The following ME3 variants were observed in gnomAD, a reference collection of about 807,000 sequenced individuals.
The protein encoded by ME3 is NADP-dependent malic enzyme, mitochondrial.
Under a neutral mutation model 68.9 loss-of-function variants are expected in ME3, and 48 were observed. The observed-to-expected ratio is 0.70, with a 90% CI of 0.55 to 0.89. The LOEUF (loss-of-function observed/expected upper bound fraction) is 0.89, where lower values mean the gene tolerates loss of function less well. ME3 is among the 40% of genes least tolerant of loss of function. The pLI is 0.00. For synonymous variants in ME3, 320 were observed against 318.8 expected, an observed-to-expected ratio of 1.00 and a Z score of -0.04; for missense variants, 675 against 797.4, an observed-to-expected ratio of 0.85 and a Z score of 1.85.
At chr11:86,472,203 C>T (rs1322522512) in intron 7 of ME3, among the ~76,000 whole-genome samples, 1 of 152,092 alleles carries the variant, frequency 6.6e-6, no homozygotes, top group African/African-American at 2.4e-5. Flanking sequence ...TACACAGGGC[C>T]GGATCTTGCC....
intron 4 of ME3, among the ~76,000 whole-genome samples, chr11:86,540,147 A>AAC (rs1314075690): frequency 6.6e-6 from 1 of 152,220 alleles, no homozygotes; most frequent in Non-Finnish European, 1.5e-5. Context: ...CATCCTGTGG[A>AAC]ACACAGGCCA....
At chr11:86,510,707 A>G (rs1011503206) in intron 4 of ME3, among the ~76,000 whole-genome samples, 7 of 152,182 alleles carry the variant, frequency 4.6e-5, no homozygotes, top group African/African-American at 1.2e-4. Flanking sequence ...ACAACCAAGA[A>G]TATCTCCAGA....
chr11:86,463,301 C>T (rs1321088829), intron 8 of ME3, among the ~76,000 whole-genome samples: 1 of 152,196 alleles, frequency 6.6e-6, no homozygotes, highest in African/African-American at 2.4e-5. Context: ...CCGGTGGGCT[C>T]AGGGGACTGG....
intron 2 of ME3, among the ~76,000 whole-genome samples, chr11:86,646,074 G>A (rs1944992329): frequency 6.6e-6 from 1 of 152,188 alleles, no homozygotes; most frequent in Non-Finnish European, 1.5e-5. Context: ...ACCAAAGGTA[G>A]ACAAATCCAC....
At chr11:86,629,526 C>T (rs558631886) in intron 2 of ME3, among the ~76,000 whole-genome samples, 1 of 152,304 alleles carries the variant, frequency 6.6e-6, no homozygotes, top group Non-Finnish European at 1.5e-5. Flanking sequence ...TTACAACTCC[C>T]TTCATCACTT....
chr11:86,654,805 T>C (rs1400577348), intron 2 of ME3, among the ~76,000 whole-genome samples: 1 of 152,196 alleles, frequency 6.6e-6, no homozygotes, highest in Non-Finnish European at 1.5e-5. Context: ...GGAAGTCAAA[T>C]TGTCCCTGTT....
intron 4 of ME3, among the ~76,000 whole-genome samples, chr11:86,522,211 T>A (rs930273049): frequency 6.6e-6 from 1 of 151,564 alleles, no homozygotes; most frequent in Non-Finnish European, 1.5e-5. Context: ...GACTGCGTCA[T>A]TGCACTCCAG....
intron 2 of ME3, among the ~76,000 whole-genome samples, chr11:86,618,759 C>G (rs1017334220): frequency 6.6e-6 from 1 of 151,508 alleles, no homozygotes; most frequent in Non-Finnish European, 1.5e-5. Context: ...ACTCTGTCAC[C>G]CAGGCTGGAG....
chr11:86,582,719 A>G (rs565776184), intron 2 of ME3, among the ~76,000 whole-genome samples: 2 of 152,268 alleles, frequency 1.3e-5, no homozygotes, highest in African/African-American at 2.4e-5. Flanking sequence ...CTAAAGCACA[A>G]TGATAGCACT....
chr11:86,635,440 G>A (rs956606756), intron 2 of ME3, among the ~76,000 whole-genome samples: 2 of 152,202 alleles, frequency 1.3e-5, no homozygotes, highest in Non-Finnish European at 2.9e-5. Context: ...ACAGTCTATG[G>A]TATTTTGTTA....
intron 2 of ME3, among the ~76,000 whole-genome samples, chr11:86,566,766 T>G (rs1957501727): frequency 6.6e-6 from 1 of 152,116 alleles, no homozygotes; most frequent in Non-Finnish European, 1.5e-5. Flanking sequence ...ATATTTGGTG[T>G]GATAATTTTT....
chr11:86,520,469 A>C (rs959504598), intron 4 of ME3, among the ~76,000 whole-genome samples: 3 of 152,146 alleles, frequency 2.0e-5, no homozygotes, highest in Non-Finnish European at 4.4e-5. Context: ...AACCCCAAAA[A>C]ACCTTGCAAT....
At chr11:86,566,542 T>C (rs538875512) in intron 2 of ME3, among the ~76,000 whole-genome samples, 2 of 152,324 alleles carry the variant, frequency 1.3e-5, no homozygotes, top group South Asian at 2.1e-4. Flanking sequence ...CTTAGAGGTA[T>C]TGCTATCATC....
chr11:86,625,956 CT>C (rs2135292527), intron 2 of ME3, among the ~76,000 whole-genome samples: 1 of 152,202 alleles, frequency 6.6e-6, no homozygotes, highest in African/African-American at 2.4e-5. Context: ...ATCTTGAAAA[CT>C]GCTTAGAATT....
At chr11:86,625,852 TA>T in intron 2 of ME3, among the ~76,000 whole-genome samples, 1 of 152,282 alleles carries the variant, frequency 6.6e-6, no homozygotes, top group East Asian at 1.9e-4. Context: ...TAACTTTGAG[TA>T]AGTAGGTATT....
intron 2 of ME3, among the ~76,000 whole-genome samples, chr11:86,653,810 G>GT (rs1424307254): frequency 6.6e-6 from 1 of 152,086 alleles, no homozygotes; most frequent in East Asian, 1.9e-4. Context: ...TCCAGGAGCT[G>GT]TTTTTTTGAA....
intron 2 of ME3, among the ~76,000 whole-genome samples, chr11:86,641,586 G>T (rs1944678149): frequency 6.6e-6 from 1 of 152,170 alleles, no homozygotes; most frequent in African/African-American, 2.4e-5. Context: ...AACCACTATA[G>T]TTATACTACA....
intron 2 of ME3, among the ~76,000 whole-genome samples, chr11:86,660,815 C>T (rs1183711259): frequency 2.0e-5 from 3 of 151,050 alleles, no homozygotes; most frequent in Non-Finnish European, 2.9e-5. Context: ...GTGCACCTGG[C>T]ACAACATCAG....
chr11:86,636,688 C>G (rs1286752689), intron 2 of ME3, among the ~76,000 whole-genome samples: 1 of 152,232 alleles, frequency 6.6e-6, no homozygotes, highest in African/African-American at 2.4e-5. Context: ...CATTTGTACT[C>G]TGGCTTTTCT....
Sources: gnomAD v4.1 joint callset for allele counts (sites outside exome capture counted in the v4.1 genomes callset) on GRCh38, gnomAD v4.1.1 for gene constraint, MANE v1.5 for transcripts, NCBI Gene and HGNC (gene_info 2026-07-23, HGNC 2026-07-21) for gene names.